ARAP3: variants seen among roughly 807,000 people sequenced by gnomAD.
ARAP3 encodes the protein arf-GAP with Rho-GAP domain, ANK repeat and PH domain-containing protein 3.
A neutral mutation model predicts 169.2 loss-of-function variants in ARAP3; 82 were observed. The ratio of observed to expected loss-of-function variants is 0.48; its 90% CI spans 0.41 to 0.58. The LOEUF is 0.58. Ranked by LOEUF, ARAP3 falls within the 20% of genes least tolerant of loss-of-function variation. The pLI, the probability that ARAP3 is intolerant of heterozygous loss-of-function variation, is 0.00. For synonymous variants in ARAP3, 791 were observed against 800.3 expected (o/e 0.99, Z 0.20); for missense variants, 1,764 against 2,018.0 (o/e 0.87, Z 2.41).
chr5:141,681,962 GGGCGGGCAGT>G (rs1222604222), intron 1 of ARAP3, among the ~76,000 whole-genome samples: 3 of 151,910 alleles, frequency 2.0e-5, no homozygotes, highest in Non-Finnish European at 1.5e-5. Context: ...GGCGGGGGCG[GGGCGGGCAGT>G]GGCGGGCAGC....
chr5:141,674,509 C>T (rs187580926), intron 4 of ARAP3, among the ~76,000 whole-genome samples: 25 of 152,326 alleles, frequency 1.6e-4, no homozygotes, highest in Middle Eastern at 6.8e-3. Flanking sequence ...CCTCCCACCT[C>T]GGCCTCCCGA....
rs1277737065 is a variant in ARAP3 at position 141,671,145 on chromosome 5, T to C, written c.1990+120A>G. The C allele has an allele frequency of 1.7e-5, 23 of 1,350,362 alleles. No individual in the cohort carries two copies. Among genetic ancestry groups the C allele is most frequent in the Non-Finnish European group, 2.1e-5 (21 of 983,446 alleles). The allele number at this position is 1,350,362 out of a possible 1,614,324, so 83.6% of individuals were successfully genotyped here. ...ATAGGCCCTGGAGGATCTGAGGGTT[T>C]GGGAAACTGCCCAGGCTGGGCCATT... On this transcript the variant is annotated intron_variant, in intron 13 of 32. Transcript: ENST00000239440. This position sits in a 1 kb window ranked among gnomAD's most constrained non-coding sequence, Gnocchi z 4.9.
chr5:141,662,054 C>T lies in ARAP3; in HGVS notation c.3002G>A (p.Arg1001Lys), dbSNP rs2099910038. ...VTSARLLPRWREAAELPQKNQ... is the reference protein window; with the variant it reads ...VTSARLLPRWKEAAELPQKNQ... ...GATCTTAGGAATACCAGCAGCCTCC[C>T]TCCAGCGAGGCAGCAACCGTGCAGA... is the stretch of plus-strand genomic sequence containing the variant. Residue 1001 changes from arginine (R) to lysine (K), a missense_variant, in exon 20 of 33, where the codon AGG becomes AAG. Arg to Lys is a conservative substitution (Grantham distance 26). Transcript: ENST00000239440. 1.9e-6 allele frequency: 3 copies of T among 1,614,178 alleles called. No homozygotes were observed. The highest frequency in any genetic ancestry group is 1.7e-5 in the Admixed American group (1 of 60,032).
chr5:141,653,812 T>G lies in ARAP3; in HGVS notation c.*138A>C. On this transcript the variant is annotated 3_prime_UTR_variant, in exon 33 of 33. Transcript: ENST00000239440. ...CCTGGGACACGCAGCCACTGAAGCCTTTAGTCCAGTGCTCCTTCCACAGCA... is the reference window on the plus strand; with the variant it reads ...CCTGGGACACGCAGCCACTGAAGCCGTTAGTCCAGTGCTCCTTCCACAGCA... The G allele has an allele frequency of 7.8e-7, 1 of 1,275,036 alleles. No homozygotes were observed. The highest frequency in any genetic ancestry group is 1.5e-5 in the African/African-American group (1 of 67,246). The allele number at this position is 1,275,036 out of a possible 1,614,324, so 79.0% of individuals were successfully genotyped here.
intron 22 of ARAP3, 88 bp from the exon 23 acceptor site, chr5:141,659,564 G>A (rs1372421549): frequency 1.4e-6 from 2 of 1,461,270 alleles, no homozygotes; most frequent in Non-Finnish European, 1.9e-6. Context: ...GTTTAAGAGG[G>A]CTGGAGGCCA....
rs775889365 is a variant in ARAP3 at position 141,655,912 on chromosome 5, T to G, written c.3929A>C (p.Glu1310Ala). The change falls in exon 30 of 33, where the codon GAG becomes GCG. Residue 1310 changes from glutamate (E) to alanine (A), a missense_variant. By Grantham distance (107) the Glu-to-Ala change is moderately radical (BLOSUM62 -1). Coordinates refer to ENST00000239440, the MANE Select transcript of ARAP3 (RefSeq NM_022481.6). ...KMHLYLSCTD[E>A]DEMWDWTTSI... ...GGTGGTCCAATCCCACATTTCATCCTCGTCAGTGCAGGACAAGTAGCTGGG... is the reference window on the plus strand; with the variant it reads ...GGTGGTCCAATCCCACATTTCATCCGCGTCAGTGCAGGACAAGTAGCTGGG... 1.9e-6 allele frequency: 3 copies of G among 1,613,982 alleles called. No individual in the cohort carries two copies. Among genetic ancestry groups the G allele is most frequent in the Non-Finnish European group, 1.7e-6 (2 of 1,179,916 alleles).
chr5:141,666,039 CAAAAAA>C (rs764552450), intron 17 of ARAP3, among the ~76,000 whole-genome samples: 17 of 116,272 alleles, frequency 1.5e-4, no homozygotes, highest in African/African-American at 2.1e-4. Flanking sequence ...ACTCTGTCTC[CAAAAAA>C]AAAAAAAAAT....
intron 4 of ARAP3, among the ~76,000 whole-genome samples, chr5:141,674,368 C>T (rs1250135022): frequency 6.6e-6 from 1 of 152,122 alleles, no homozygotes; most frequent in Admixed American, 6.6e-5. Context: ...AGGGATCCTC[C>T]CACCCTGAGT....
At chr5:141,669,129 G>A (rs1203635768) in intron 16 of ARAP3, among the ~76,000 whole-genome samples, 3 of 152,040 alleles carry the variant, frequency 2.0e-5, no homozygotes, top group Non-Finnish European at 2.9e-5. Flanking sequence ...AGTCTTTTAC[G>A]CCCACCCTAC....
rs781231270 is a variant in ARAP3, at chr5:141,673,852, C to T, written c.699-44G>A. 10 of 1,585,638 alleles carry T rather than the reference C, an allele frequency of 6.3e-6. No individual in the cohort carries two copies. In the South Asian group the frequency reaches 9.0e-5, roughly 14 times the overall value. ...GGGAGGGACACACATTAGACAAGTA[C>T]CCCGGACACCCTCTTTGTACTTTCT... On this transcript the variant is annotated intron_variant, in intron 4 of 32. Coordinates refer to ENST00000239440, the MANE Select transcript of ARAP3 (RefSeq NM_022481.6).
intron 4 of ARAP3, 70 bp downstream of exon 4, chr5:141,679,475 A>G: frequency 6.8e-7 from 1 of 1,462,230 alleles, no homozygotes. Context: ...CATTTGTTGA[A>G]TAACTGGATA....
Position 141,671,442 on chromosome 5 carries a change from C to A in ARAP3, c.1855-42G>T. 1 of 1,594,668 alleles carries A rather than the reference C, an allele frequency of 6.3e-7. No homozygotes were observed. The highest frequency in any genetic ancestry group is 8.6e-7 in the Non-Finnish European group (1 of 1,169,520). ...GCCTCTGTCAGCCCCAAATCCCAAA[C>A]TGAGAGCACTGGGGACAGTCGTATC... On this transcript the variant is annotated intron_variant, in intron 12 of 32. Coordinates refer to ENST00000239440, the MANE Select transcript of ARAP3 (RefSeq NM_022481.6). This position sits in a 1 kb window ranked among gnomAD's most constrained non-coding sequence, Gnocchi z 4.9.
rs2099911253 is a variant in ARAP3 at position 141,670,370 on chromosome 5, C to A, written c.2107+142G>T. 4.8e-5 allele frequency: 45 copies of A among 939,862 alleles called. No homozygotes were observed. In the East Asian group the frequency reaches 1.1e-3, roughly 23 times the overall value. 58.2% of individuals were successfully genotyped at this position (939,862 alleles called of 1,614,324 possible). A position where few individuals can be genotyped will look rare whatever the true frequency, so the allele number is the denominator to read the frequency against. ...AATGCTGCCACTTGGCATGGTCCCT[C>A]TCTCACCCCCAGGACCCCAGCCCAT... is the stretch of plus-strand genomic sequence containing the variant. On this transcript the variant is annotated intron_variant, in intron 14 of 32. Coordinates refer to ENST00000239440, the MANE Select transcript of ARAP3 (RefSeq NM_022481.6).
At chr5:141,658,330 C>T (rs1212061978) in intron 25 of ARAP3, 35 bp downstream of exon 25, 2 of 1,585,994 alleles carry the variant, frequency 1.3e-6, no homozygotes, top group Admixed American at 1.7e-5. Flanking sequence ...CACGCATATA[C>T]ACATGCATGA....
Position 141,655,942 on chromosome 5 carries a change from T to C in ARAP3, c.3909-10A>G. 1 of 1,613,686 alleles carries C rather than the reference T, an allele frequency of 6.2e-7. No homozygotes were observed. The highest frequency in any genetic ancestry group is 8.5e-7 in the Non-Finnish European group (1 of 1,179,894). On this transcript the variant is annotated splice_polypyrimidine_tract_variant and intron_variant, in intron 29 of 32. Transcript: ENST00000239440. ...AGTGCAGGACAAGTAGCTGGGGTGA[T>C]CAGAATGGAATCAGAGGGAGAGAGA...
In ARAP3 at chr5:141,653,977, A is replaced by G. The variant is rs1264307670; in HGVS notation, c.4608T>C (p.Ser1536=). 1 of 1,537,418 alleles carries G rather than the reference A, an allele frequency of 6.5e-7. No individual in the cohort carries two copies. Among genetic ancestry groups the G allele is most frequent in the Non-Finnish European group, 8.8e-7 (1 of 1,142,840 alleles). The change falls in exon 33 of 33, where the codon AGT becomes AGC. Residue 1536 remains serine, a synonymous_variant. Coordinates refer to ENST00000239440, the MANE Select transcript of ARAP3 (RefSeq NM_022481.6). ...GFPTQPPCTS[S]PPSSQPLT The stretch of plus-strand genomic sequence containing the variant: ...ATGTGAGGGGCTGGCTGGAGGGTGG[A>G]CTGGAAGTGCATGGGGGTTGGGTGG...
intron 23 of ARAP3, among the ~76,000 whole-genome samples, 186 bp from the exon 24 acceptor site, chr5:141,658,839 A>T (rs2099909559): frequency 6.6e-6 from 1 of 152,138 alleles, no homozygotes; most frequent in Non-Finnish European, 1.5e-5. Context: ...TAGGCTGCAC[A>T]TGTACTTCCC....
Position 141,680,518 on chromosome 5 carries a change from AG to A in ARAP3, c.-17-16del, listed in dbSNP as rs2099912811. The stretch of plus-strand genomic sequence containing the variant: ...TCAGGCCATTGCTGGGGGGAGGGGC[AG>A]GGTGAAGGGAGGGCTCAGGCTGAGA... On this transcript the variant is annotated splice_polypyrimidine_tract_variant and intron_variant, in intron 1 of 32. Coordinates refer to ENST00000239440, the MANE Select transcript of ARAP3 (RefSeq NM_022481.6). 1.3e-6 allele frequency: 2 copies of A among 1,556,218 alleles called. No individual in the cohort carries two copies. The highest frequency in any genetic ancestry group is 1.7e-5 in the Admixed American group (1 of 57,298).
At chr5:141,670,423 C>T in intron 14 of ARAP3, 89 bp downstream of exon 14, 1 of 1,384,648 alleles carries the variant, frequency 7.2e-7, no homozygotes, top group Admixed American at 1.7e-5. Context: ...CTTTCCCATC[C>T]CAGCCCTCTC....
Sources: gnomAD v4.1 joint callset for allele counts (sites outside exome capture counted in the v4.1 genomes callset) on GRCh38, gnomAD v4.1.1 for gene constraint, Gnocchi (gnomAD v3.1) non-coding constraint, MANE v1.5 for transcripts, NCBI Gene and HGNC (gene_info 2026-07-23, HGNC 2026-07-21) for gene names.